Variants in OR11G2 observed in about 807,000 individuals in gnomAD.
The protein encoded by OR11G2 is olfactory receptor 11G2.
Under a neutral mutation model 0.9 loss-of-function variants are expected in OR11G2, and 2 were observed. The ratio of observed to expected loss-of-function variants is 2.35; its 90% CI spans 0.96 to 7.38. The LOEUF (loss-of-function observed/expected upper bound fraction) is 7.38, where lower values mean the gene tolerates loss of function less well. OR11G2 is among the 30% of genes most tolerant of loss of function. The pLI, the probability that OR11G2 is intolerant of heterozygous loss-of-function variation, is 0.05. For missense variants in OR11G2, 395 were observed against 371.3 expected, an observed-to-expected ratio of 1.06 and a Z score of -0.52; for synonymous variants, 153 against 142.0, an observed-to-expected ratio of 1.08 and a Z score of -0.55.
rs375361995 is a variant in OR11G2 at position 20,198,698 on chromosome 14, A to T, written c.*325A>T. The T allele has an allele frequency of 1.2e-5, 2 of 160,062 alleles. No individual in the cohort carries two copies. The highest frequency in any genetic ancestry group is 4.9e-5 in the African/African-American group (2 of 41,004). The allele number at this position is 160,062 out of a possible 1,614,324, so 9.9% of individuals were successfully genotyped here. A position where few individuals can be genotyped will look rare whatever the true frequency, so the allele number is the denominator to read the frequency against. ...GAGCCGAGATCGCGCCACTGCACTC[A>T]AGCCTGGGCGACAGAGCGAGACTCT... is the stretch of plus-strand genomic sequence containing the variant. On this transcript the variant is annotated 3_prime_UTR_variant, in exon 2 of 2. Transcript: ENST00000641879.
chr14:20,197,248 C>T lies in OR11G2; in HGVS notation c.-4-186C>T, dbSNP rs554592330. 2.0e-4 allele frequency: 156 copies of T among 766,334 alleles called. No individual in the cohort carries two copies. In the African/African-American group the frequency reaches 2.6e-3, roughly 13 times the overall value. The allele number at this position is 766,334 out of a possible 1,614,324, so 47.5% of individuals were successfully genotyped here. A position where few individuals can be genotyped will look rare whatever the true frequency, so the allele number is the denominator to read the frequency against. On this transcript the variant is annotated intron_variant, in intron 1 of 1. Transcript: ENST00000641879. ...ACGCGAGCAAAGAATCAATCCAGATCAATACGTCAGTTTAAAAGAAAAAAA... is the reference window on the plus strand; with the variant it reads ...ACGCGAGCAAAGAATCAATCCAGATTAATACGTCAGTTTAAAAGAAAAAAA...
chr14:20,196,625 T>C (rs1298860230), intron 1 of OR11G2, among the ~76,000 whole-genome samples: 1 of 152,250 alleles, frequency 6.6e-6, no homozygotes, highest in South Asian at 2.1e-4. Flanking sequence ...CCCACTGTTA[T>C]TTAGAATTGC....
In OR11G2 at chr14:20,197,571, G is replaced by A. The variant is rs2139112961; in HGVS notation, c.134G>A (p.Gly45Asp). The A allele has an allele frequency of 6.2e-7, 1 of 1,614,086 alleles. No individual in the cohort carries two copies. The change falls in exon 2 of 2, where the codon GGC becomes GAC. Residue 45 changes from glycine (G) to aspartate (D), a missense_variant. Gly to Asp is a moderately conservative substitution (Grantham distance 94). Coordinates refer to ENST00000641879, the MANE Select transcript of OR11G2 (RefSeq NM_001386033.1). ...GTTGTTTACCTCCTGACCCTCATGG[G>A]CAATGGTTCCATCATCTGTGCTGTG... The part of the protein sequence containing the change: ...FTVVYLLTLM[G>D]NGSIICAVHW...
Position 20,197,831 on chromosome 14 carries a change from C to G in OR11G2, c.394C>G (p.Arg132Gly). ...MAFDRYLAIC[R>G]PLRYPTIMTR... ...ATTTGATCGATACCTTGCCATCTGT[C>G]GGCCTCTACGCTATCCAACCATTAT... The change falls in exon 2 of 2, where the codon CGG (arginine) becomes GGG (glycine). Residue 132 changes from arginine to glycine, a missense_variant. Transcript: ENST00000641879. 3 of 1,614,068 alleles carry G rather than the reference C, an allele frequency of 1.9e-6. No individual in the cohort carries two copies. Among genetic ancestry groups the G allele is most frequent in the Non-Finnish European group, 2.5e-6 (3 of 1,180,010 alleles).
rs1338958351 is a variant in OR11G2, at chr14:20,197,455, C to T, written c.18C>T (p.Ser6=). 2.5e-6 allele frequency: 4 copies of T among 1,613,784 alleles called. No individual in the cohort carries two copies. Among genetic ancestry groups the T allele is most frequent in the Admixed American group, 1.7e-5 (1 of 59,992 alleles). The change falls in exon 2 of 2, where the codon AGC becomes AGT. Residue 6 remains serine, a synonymous_variant. Transcript: ENST00000641879. ...ACAGGCACATGAAAATCTTCAACAG[C>T]CCCAGCAACTCCAGCACCTTCACTG... MKIFN[S]PSNSSTFTGF...
At position 20,194,991 on chromosome 14, in the gene OR11G2, G is replaced by A. The variant is rs112026351; in HGVS notation, c.-4-2443G>A. ...AATATGCAGTCTCAGAAGTTTTCTG[G>A]GCCCCTAAACAAATGACTTTAAAAG... is the stretch of plus-strand genomic sequence containing the variant. On this transcript the variant is annotated intron_variant, in intron 1 of 1. Coordinates refer to ENST00000641879, the MANE Select transcript of OR11G2 (RefSeq NM_001386033.1). 2.9e-3 allele frequency among the ~76,000 whole-genome samples: 442 copies of A among 152,034 alleles called. 2 individuals are homozygous for A. Among genetic ancestry groups the A allele is most frequent in the African/African-American group, 0.01 (423 of 41,432 alleles).
At chr14:20,196,566 G>T (rs766924237) in intron 1 of OR11G2, among the ~76,000 whole-genome samples, 2 of 152,248 alleles carry the variant, frequency 1.3e-5, no homozygotes, top group Admixed American at 6.5e-5. Flanking sequence ...ATGTTCCTAA[G>T]TGGTTACTGG....
In OR11G2 at chr14:20,198,235, A is replaced by AC. The variant is rs760228164; in HGVS notation, c.800dup (p.Ser268IlefsTer2). On this transcript the variant is annotated frameshift_variant, in exon 2 of 2. Transcript: ENST00000641879. LOFTEE classifies it high-confidence loss of function. Reference sequence around the variant, plus strand: ...CAGTACTGGTCATGTATGGGAGCCCACCATCTAAGAATGAAGCTGGAAAGC... The same window carrying AC: ...CAGTACTGGTCATGTATGGGAGCCCACCCATCTAAGAATGAAGCTGGAAAGC... 6.2e-7 allele frequency: 1 copy of AC among 1,614,084 alleles called. No homozygotes were observed. Among genetic ancestry groups the AC allele is most frequent in the Non-Finnish European group, 8.5e-7 (1 of 1,180,004 alleles).
chr14:20,192,169 G>C (rs1879666364), intron 1 of OR11G2, among the ~76,000 whole-genome samples: 1 of 152,108 alleles, frequency 6.6e-6, no homozygotes, highest in Admixed American at 6.6e-5. Flanking sequence ...TGGGATTACA[G>C]GTGTGAACCA....
At chr14:20,194,795 G>C (rs890063307) in intron 1 of OR11G2, among the ~76,000 whole-genome samples, 1 of 152,076 alleles carries the variant, frequency 6.6e-6, no homozygotes, top group Non-Finnish European at 1.5e-5. Flanking sequence ...TGAATGGCTC[G>C]TGTGAAGCTA....
chr14:20,194,039 G>A (rs61996981), intron 1 of OR11G2, among the ~76,000 whole-genome samples: 39,305 of 152,118 alleles, frequency 0.26, 5,269 homozygotes, highest in Non-Finnish European at 0.29. Context: ...ACAACAGAGT[G>A]TGTGTTTGTG....
Position 20,198,457 on chromosome 14 carries a change from G to C in OR11G2, c.*84G>C. On this transcript the variant is annotated 3_prime_UTR_variant, in exon 2 of 2. Transcript: ENST00000641879. Reference sequence around the variant, plus strand: ...AAAAAAACTGGTCTTGGCCAGGCGCGGTGGCTTACGCCTGTAATCCCAGCA... The same window carrying C: ...AAAAAAACTGGTCTTGGCCAGGCGCCGTGGCTTACGCCTGTAATCCCAGCA... 10 of 1,017,966 alleles carry C rather than the reference G, an allele frequency of 9.8e-6. No individual in the cohort carries two copies. Among genetic ancestry groups the C allele is most frequent in the Non-Finnish European group, 1.5e-5 (10 of 689,456 alleles). The allele number at this position is 1,017,966 out of a possible 1,614,324, so 63.1% of individuals were successfully genotyped here. A position where few individuals can be genotyped will look rare whatever the true frequency, so the allele number is the denominator to read the frequency against.
intron 1 of OR11G2, among the ~76,000 whole-genome samples, chr14:20,193,134 T>C (rs773264636): frequency 1.3e-5 from 2 of 152,174 alleles, no homozygotes; most frequent in African/African-American, 4.8e-5. Flanking sequence ...GGGGGTTGTA[T>C]TGAGGCAGAG....
Position 20,197,739 on chromosome 14 carries a change from G to C in OR11G2, c.302G>C (p.Cys101Ser), listed in dbSNP as rs1040604993. 5 of 1,613,506 alleles carry C rather than the reference G, an allele frequency of 3.1e-6. No homozygotes were observed. The Admixed American group carries it at 6.7e-5, about 22-fold the overall frequency. Residue 101 changes from cysteine (C) to serine (S), a missense_variant, in exon 2 of 2, where the codon TGC becomes TCC. Coordinates refer to ENST00000641879, the MANE Select transcript of OR11G2 (RefSeq NM_001386033.1). Reference protein sequence around the residue: ...SDTKIISFSGCFLQFYFFFSL... With the variant: ...SDTKIISFSGSFLQFYFFFSL... The stretch of plus-strand genomic sequence containing the variant: ...ACCAAGATCATCTCGTTCTCTGGCT[G>C]CTTCCTCCAGTTCTACTTTTTCTTC...
intron 1 of OR11G2, among the ~76,000 whole-genome samples, chr14:20,196,176 G>T (rs577628563): frequency 2.0e-5 from 3 of 152,290 alleles, no homozygotes; most frequent in Admixed American, 2.0e-4. Context: ...GGAGAGGAAG[G>T]CTACCCTTGC....
chr14:20,194,388 G>GACTT (rs1566352669), intron 1 of OR11G2, among the ~76,000 whole-genome samples: 2 of 152,224 alleles, frequency 1.3e-5, no homozygotes, highest in Admixed American at 6.5e-5. Flanking sequence ...GCAGACATGA[G>GACTT]ACTTATTTTT....
chr14:20,197,480 G>A lies in OR11G2; in HGVS notation c.43G>A (p.Gly15Ser). 1 of 1,613,954 alleles carries A rather than the reference G, an allele frequency of 6.2e-7. No homozygotes were observed. The highest frequency in any genetic ancestry group is 1.1e-5 in the South Asian group (1 of 91,062). The change falls in exon 2 of 2, where the codon GGC becomes AGC. Residue 15 changes from glycine to serine, a missense_variant. By Grantham distance (56) the Gly-to-Ser change is moderately conservative. Transcript: ENST00000641879. Reference sequence around the variant, plus strand: ...CCCCAGCAACTCCAGCACCTTCACTGGCTTCATCCTCCTGGGCTTCCCTTG... The same window carrying A: ...CCCCAGCAACTCCAGCACCTTCACTAGCTTCATCCTCCTGGGCTTCCCTTG... The part of the protein sequence containing the change: ...NSPSNSSTFT[G>S]FILLGFPCPR...
At position 20,200,108 on chromosome 14, in the gene OR11G2, A is replaced by T. The variant is rs1438962996; in HGVS notation, c.*1735A>T. ...TACCTGTTTTTCAGGTTAAATAAATAGGAATTGGGAATCAGGGAGCAATTT... is the reference window on the plus strand; with the variant it reads ...TACCTGTTTTTCAGGTTAAATAAATTGGAATTGGGAATCAGGGAGCAATTT... On this transcript the variant is annotated 3_prime_UTR_variant, in exon 2 of 2. Coordinates refer to ENST00000641879, the MANE Select transcript of OR11G2 (RefSeq NM_001386033.1). The T allele has an allele frequency of 4.0e-5, 6 of 148,942 alleles. No individual in the cohort carries two copies. 9.2% of individuals were successfully genotyped at this position (148,942 alleles called of 1,614,324 possible). A position where few individuals can be genotyped will look rare whatever the true frequency, so the allele number is the denominator to read the frequency against.
intron 1 of OR11G2, chr14:20,197,201 T>G: frequency 4.0e-5 from 24 of 606,786 alleles, no homozygotes; most frequent in East Asian, 1.7e-4. Flanking sequence ...AAAGTTTTCT[T>G]GAGCCTATGG....
Sources: gnomAD v4.1 joint callset for allele counts (sites outside exome capture counted in the v4.1 genomes callset) on GRCh38, gnomAD v4.1.1 for gene constraint, MANE v1.5 for transcripts, NCBI Gene and HGNC (gene_info 2026-07-23, HGNC 2026-07-21) for gene names.